CDKL1: variants seen among roughly 807,000 people sequenced by gnomAD.
CDKL1 encodes the protein cyclin-dependent kinase-like 1.
Under a neutral mutation model 42.0 loss-of-function variants are expected in CDKL1, and 41 were observed. The ratio of observed to expected loss-of-function variants is 0.98; its 90% CI spans 0.76 to 1.27. CDKL1 has a LOEUF of 1.27. Ranked by LOEUF, CDKL1 falls within the 50% of genes most tolerant of loss-of-function variation. The pLI is 0.00. For synonymous variants in CDKL1, 153 were observed against 158.6 expected (o/e 0.96, Z 0.26); for missense variants, 394 against 428.4 (o/e 0.92, Z 0.71).
intron 2 of CDKL1, among the ~76,000 whole-genome samples, chr14:50,383,631 ATAAT>A: frequency 6.6e-6 from 1 of 152,038 alleles, no homozygotes; most frequent in Middle Eastern, 3.4e-3. Flanking sequence ...AGAAATAAAA[ATAAT>A]TTAAGGGGCA....
In CDKL1 at chr14:50,395,774, A is replaced by G; in HGVS notation, c.95T>C (p.Ile32Thr). 1 of 1,613,908 alleles carries G rather than the reference A, an allele frequency of 6.2e-7. No homozygotes were observed. Among genetic ancestry groups the G allele is most frequent in the Non-Finnish European group, 8.5e-7 (1 of 1,179,764 alleles). ...ATCTTCTGATTCCAGAAACTTCTTGATGGCCACAATCTGACCCGTGTCCCT... is the reference window on the plus strand; with the variant it reads ...ATCTTCTGATTCCAGAAACTTCTTGGTGGCCACAATCTGACCCGTGTCCCT... ...RNRDTGQIVA[I>T]KKFLESEDDP... Residue 32 changes from isoleucine (I) to threonine (T), a missense_variant, in exon 2 of 10, where the codon ATC (isoleucine) becomes ACC (threonine). Ile to Thr is a moderately conservative substitution (Grantham distance 89). Coordinates refer to ENST00000395834, the MANE Select transcript of CDKL1 (RefSeq NM_004196.7).
At chr14:50,376,133 G>A (rs2034725028) in intron 2 of CDKL1, among the ~76,000 whole-genome samples, 1 of 152,154 alleles carries the variant, frequency 6.6e-6, no homozygotes, top group African/African-American at 2.4e-5. Flanking sequence ...TGCAAATAAA[G>A]TATAGATGGA....
chr14:50,343,108 G>A (rs1276503651), intron 4 of CDKL1: 1 of 1,107,722 alleles, frequency 9.0e-7, no homozygotes. Context: ...CTCATTAAAT[G>A]ACAATTTCTT....
At chr14:50,369,608 GCACACACACACA>G (rs34614605) in intron 2 of CDKL1, among the ~76,000 whole-genome samples, 5 of 143,974 alleles carry the variant, frequency 3.5e-5, no homozygotes, top group Non-Finnish European at 7.6e-5. Flanking sequence ...ATACACACAT[GCACACACACACA>G]CACACACACA....
At chr14:50,364,161 A>G (rs776639350) in intron 2 of CDKL1, among the ~76,000 whole-genome samples, 9 of 152,172 alleles carry the variant, frequency 5.9e-5, no homozygotes, top group Non-Finnish European at 1.0e-4. Flanking sequence ...CTACGTTACT[A>G]TACATCTTTT....
intron 7 of CDKL1, chr14:50,335,868 G>T: frequency 7.9e-7 from 1 of 1,266,580 alleles, no homozygotes; most frequent in Non-Finnish European, 1.0e-6. Flanking sequence ...ACTAATCATT[G>T]ATAAGAGTAG....
Position 50,335,933 on chromosome 14 carries a change from C to A in CDKL1, c.739-1312G>T. The A allele has an allele frequency of 5.3e-6, 7 of 1,310,538 alleles. 1 individual carries two copies. In the South Asian group the frequency reaches 7.7e-5, roughly 14 times the overall value. The allele number at this position is 1,310,538 out of a possible 1,614,324, so 81.2% of individuals were successfully genotyped here. The stretch of plus-strand genomic sequence containing the variant: ...TATGTCAACAGGAGAAAAAAAAAAT[C>A]CTAAAGTAGGTTTGTATTAGCCCTT... On this transcript the variant is annotated intron_variant, in intron 7 of 9. Coordinates refer to ENST00000395834, the MANE Select transcript of CDKL1 (RefSeq NM_004196.7).
In CDKL1 at chr14:50,384,581, A is replaced by G. The variant is rs567163116; in HGVS notation, c.168+11120T>C. On this transcript the variant is annotated intron_variant, in intron 2 of 9. Coordinates refer to ENST00000395834, the MANE Select transcript of CDKL1 (RefSeq NM_004196.7). ...GTGTGATAATTGAGAGTCAGAAAGA[A>G]TACTGACAGTGATGGTGTGTAACAT... is the stretch of plus-strand genomic sequence containing the variant. Among the ~76,000 whole-genome samples, 11 of 152,142 alleles carry G rather than the reference A, an allele frequency of 7.2e-5. No homozygotes were observed. In the South Asian group the frequency reaches 2.3e-3, roughly 32 times the overall value.
intron 2 of CDKL1, chr14:50,363,026 A>G: frequency 2.2e-6 from 1 of 446,078 alleles, no homozygotes; most frequent in South Asian, 1.6e-5. Context: ...AGCCAGGGAG[A>G]CCACGAACCC....
At chr14:50,357,102 T>G (rs1162121271) in intron 3 of CDKL1, 1 of 152,212 alleles carries the variant, frequency 6.6e-6, no homozygotes, top group Non-Finnish European at 1.5e-5. Context: ...AAGTGTCACT[T>G]GCAAGCTGTC....
rs8007971 is a variant in CDKL1 at position 50,330,043 on chromosome 14, T to G, written c.*31A>C. The G allele has an allele frequency of 1.4e-3, 2,170 of 1,599,234 alleles. 36 individuals carry two copies. The African/African-American group carries it at 0.024, about 18-fold the overall frequency. Reference sequence around the variant, plus strand: ...TATTTTCTTCAAAGCATCTATTGATTCCTTTTTTAAAATCATGTCTCCTAG... The same window carrying G: ...TATTTTCTTCAAAGCATCTATTGATGCCTTTTTTAAAATCATGTCTCCTAG... On this transcript the variant is annotated 3_prime_UTR_variant, in exon 10 of 10. Coordinates refer to ENST00000395834, the MANE Select transcript of CDKL1 (RefSeq NM_004196.7).
chr14:50,385,613 G>A (rs144235858), intron 2 of CDKL1, among the ~76,000 whole-genome samples: 1 of 152,076 alleles, frequency 6.6e-6, no homozygotes, highest in East Asian at 1.9e-4. Flanking sequence ...AGACCAGCCC[G>A]GCCAAGATGG....
At position 50,371,062 on chromosome 14, in the gene CDKL1, G is replaced by A. The variant is rs149641034; in HGVS notation, c.169-11913C>T. ...CATAATGTTCCCCAATTTCATCCAT[G>A]TTGTCACAAATGTCAGAATTTTCTC... On this transcript the variant is annotated intron_variant, in intron 2 of 9. Transcript: ENST00000395834. Among the ~76,000 whole-genome samples, 478 of 152,298 alleles carry A rather than the reference G, an allele frequency of 3.1e-3. 1 individual carries two copies. In the Middle Eastern group the frequency reaches 0.044, roughly 14 times the overall value.
intron 3 of CDKL1, among the ~76,000 whole-genome samples, chr14:50,356,183 C>G (rs1465838338): frequency 6.6e-6 from 1 of 152,150 alleles, no homozygotes; most frequent in Non-Finnish European, 1.5e-5. Context: ...TTGATATTGT[C>G]TAATAGATCA....
chr14:50,369,362 T>C (rs981304412), intron 2 of CDKL1, among the ~76,000 whole-genome samples: 1 of 152,106 alleles, frequency 6.6e-6, no homozygotes, highest in Non-Finnish European at 1.5e-5. Flanking sequence ...TCCCTGATCA[T>C]GATGCCAAGT....
At chr14:50,334,672 G>A in intron 7 of CDKL1, 51 bp from the exon 8 acceptor site, 1 of 1,095,754 alleles carries the variant, frequency 9.1e-7, no homozygotes, top group Non-Finnish European at 1.4e-6. Context: ...TCAAATTAAG[G>A]TTACCTCAAA....
At chr14:50,380,505 T>C (rs558875171) in intron 2 of CDKL1, among the ~76,000 whole-genome samples, 1 of 152,352 alleles carries the variant, frequency 6.6e-6, no homozygotes, top group African/African-American at 2.4e-5. Flanking sequence ...TCACCTTGTG[T>C]GGGATGGACA....
intron 3 of CDKL1, among the ~76,000 whole-genome samples, chr14:50,353,529 G>A (rs2033965617): frequency 6.6e-6 from 1 of 151,272 alleles, no homozygotes; most frequent in Non-Finnish European, 1.5e-5. Flanking sequence ...ATATTACTAA[G>A]AATTTATCCT....
chr14:50,362,281 G>A (rs1173455975), intron 2 of CDKL1: 3 of 376,916 alleles, frequency 8.0e-6, no homozygotes, highest in South Asian at 1.9e-5. Flanking sequence ...AGGAGTGCGG[G>A]CGCACGGCAT....
Sources: allele counts gnomAD v4.1 joint callset (sites outside exome capture counted in the v4.1 genomes callset), GRCh38; gene constraint gnomAD v4.1.1; transcripts MANE v1.5; gene names NCBI Gene and HGNC (gene_info 2026-07-23, HGNC 2026-07-21).